Variants in CENPQ observed in about 807,000 individuals in gnomAD.
CENPQ encodes the protein centromere protein Q, also known as chromosome 6 open reading frame 139.
CENPQ carries 27 observed loss-of-function variants against 36.6 expected under a neutral mutation model. The observed-to-expected ratio is 0.74, with a 90% confidence interval of 0.54 to 1.02. CENPQ has a LOEUF of 1.02. Among genes scored for constraint, CENPQ ranks in the 50% least tolerant of loss-of-function variants. The pLI is 0.00. For missense variants in CENPQ, 306 were observed against 301.8 expected (o/e 1.01, Z -0.10); for synonymous variants, 101 against 101.7 (o/e 0.99, Z 0.04).
In CENPQ at chr6:49,492,297, G is replaced by A. The variant is rs1220188875; in HGVS notation, c.*22G>A. The stretch of plus-strand genomic sequence containing the variant: ...TTAAAGAGTGTTTTTTTTTTAGATT[G>A]TTCCATATTAATTTAATGTTCGTGA... On this transcript the variant is annotated 3_prime_UTR_variant, in exon 9 of 9. Coordinates refer to ENST00000335783, the MANE Select transcript of CENPQ (RefSeq NM_018132.4). 11 of 1,548,002 alleles carry A rather than the reference G, an allele frequency of 7.1e-6. No homozygotes were observed. Among genetic ancestry groups the A allele is most frequent in the Non-Finnish European group, 9.6e-6 (11 of 1,148,826 alleles).
intron 2 of CENPQ, 148 bp downstream of exon 2, chr6:49,470,426 A>C: frequency 4.5e-6 from 2 of 447,982 alleles, no homozygotes; most frequent in Non-Finnish European, 4.0e-6. Flanking sequence ...ACATGATGAA[A>C]CCCCGTCTCT....
In CENPQ at chr6:49,470,956, A is replaced by G. The variant is rs764382499; in HGVS notation, c.103-18A>G. Reference sequence around the variant, plus strand: ...TGTTTAATTCTGTTTATGTTTATGCATGTGTTTTTCCCTCTAGGTTAGAAA... The same window carrying G: ...TGTTTAATTCTGTTTATGTTTATGCGTGTGTTTTTCCCTCTAGGTTAGAAA... On this transcript the variant is annotated intron_variant, in intron 2 of 8. Transcript: ENST00000335783. 2.8e-6 allele frequency: 4 copies of G among 1,425,982 alleles called. No homozygotes were observed. Among genetic ancestry groups the G allele is most frequent in the African/African-American group, 1.4e-5 (1 of 69,792 alleles). 88.3% of individuals were successfully genotyped at this position (1,425,982 alleles called of 1,614,324 possible).
At position 49,487,365 on chromosome 6, in the gene CENPQ, A is replaced by G. The variant is rs557521530; in HGVS notation, c.478-987A>G. Among the ~76,000 whole-genome samples the G allele has an allele frequency of 1.3e-4, 19 of 151,116 alleles. No homozygotes were observed. The South Asian group carries it at 2.1e-3, about 17-fold the overall frequency. ...TTTTGTTTTGTTGAGGTTTTGACCA[A>G]TCTTTTAAAATGTACAAACAATTCA... On this transcript the variant is annotated intron_variant, in intron 6 of 8. Coordinates refer to ENST00000335783, the MANE Select transcript of CENPQ (RefSeq NM_018132.4).
intron 5 of CENPQ, among the ~76,000 whole-genome samples, chr6:49,477,118 CAT>C (rs1268823830): frequency 1.3e-5 from 2 of 152,172 alleles, no homozygotes; most frequent in South Asian, 2.1e-4. Flanking sequence ...GACACATGAA[CAT>C]GTGTGTTTAC....
At chr6:49,481,566 A>G (rs1768429910) in intron 6 of CENPQ, among the ~76,000 whole-genome samples, 1 of 152,208 alleles carries the variant, frequency 6.6e-6, no homozygotes, top group African/African-American at 2.4e-5. Context: ...ACAGCATGGA[A>G]GGGGACCCGA....
chr6:49,479,370 A>G (rs552242394), intron 5 of CENPQ, among the ~76,000 whole-genome samples: 4 of 152,274 alleles, frequency 2.6e-5, no homozygotes, highest in African/African-American at 4.8e-5. Flanking sequence ...GCCAACAAAC[A>G]TGAAAAAAAT....
chr6:49,490,815 C>T (rs954003751), intron 8 of CENPQ, among the ~76,000 whole-genome samples: 5 of 152,080 alleles, frequency 3.3e-5, no homozygotes, highest in African/African-American at 1.2e-4. Context: ...AATAAATGGC[C>T]GGTTGGTGGA....
At chr6:49,478,591 AAG>A (rs1365459527) in intron 5 of CENPQ, among the ~76,000 whole-genome samples, 2 of 152,164 alleles carry the variant, frequency 1.3e-5, no homozygotes, top group East Asian at 3.8e-4. Context: ...CTGGCGAAGA[AAG>A]AGGAAAAAGA....
At chr6:49,485,899 T>C (rs1268912165) in intron 6 of CENPQ, among the ~76,000 whole-genome samples, 1 of 152,112 alleles carries the variant, frequency 6.6e-6, no homozygotes, top group African/African-American at 2.4e-5. Flanking sequence ...AATGAGAAAT[T>C]TTAATCCTTG....
chr6:49,489,090 C>G (rs1768660343), intron 8 of CENPQ, among the ~76,000 whole-genome samples: 1 of 152,120 alleles, frequency 6.6e-6, no homozygotes, highest in African/African-American at 2.4e-5. Context: ...TTTGCCACAT[C>G]AGTTGATTCT....
At chr6:49,482,508 A>T (rs1768461948) in intron 6 of CENPQ, among the ~76,000 whole-genome samples, 1 of 152,050 alleles carries the variant, frequency 6.6e-6, no homozygotes, top group Non-Finnish European at 1.5e-5. Context: ...TCCAGAGGGG[A>T]GGTCTCTAGG....
rs759911830 is a variant in CENPQ, at chr6:49,488,644, C to T, written c.635C>T (p.Pro212Leu). The T allele has an allele frequency of 1.2e-5, 19 of 1,613,444 alleles. No homozygotes were observed. The highest frequency in any genetic ancestry group is 8.0e-5 in the African/African-American group (6 of 74,848). ...AATAGTAGTGGAGTACTCTCTCTTCCGGAACTTTCTCAGAAAACTCTCAAA... is the reference window on the plus strand; with the variant it reads ...AATAGTAGTGGAGTACTCTCTCTTCTGGAACTTTCTCAGAAAACTCTCAAA... The part of the protein sequence containing the change: ...QINSSGVLSL[P>L]ELSQKTLKAP... The change falls in exon 8 of 9, where the codon CCG becomes CTG. Residue 212 changes from proline (P) to leucine (L), a missense_variant. Coordinates refer to ENST00000335783, the MANE Select transcript of CENPQ (RefSeq NM_018132.4).
At chr6:49,464,465 A>AT (rs1767948987) in intron 1 of CENPQ, among the ~76,000 whole-genome samples, 2 of 152,166 alleles carry the variant, frequency 1.3e-5, no homozygotes, top group Admixed American at 6.5e-5. Flanking sequence ...AAAATAATGA[A>AT]TTTTGTACAG....
chr6:49,479,146 C>G (rs957991101), intron 5 of CENPQ, among the ~76,000 whole-genome samples: 5 of 152,120 alleles, frequency 3.3e-5, no homozygotes, highest in African/African-American at 4.8e-5. Flanking sequence ...TTTGTCTTAA[C>G]AGTTTAATGA....
At chr6:49,470,427 C>A in intron 2 of CENPQ, 149 bp downstream of exon 2, 1 of 453,808 alleles carries the variant, frequency 2.2e-6, no homozygotes, top group Non-Finnish European at 3.9e-6. Flanking sequence ...CATGATGAAA[C>A]CCCGTCTCTA....
Position 49,463,851 on chromosome 6 carries a change from G to A in CENPQ, c.-19+398G>A, listed in dbSNP as rs144179938. 4.1e-3 allele frequency among the ~76,000 whole-genome samples: 631 copies of A among 152,162 alleles called. 10 individuals are homozygous for A. Among genetic ancestry groups the A allele is most frequent in the African/African-American group, 0.015 (604 of 41,510 alleles). ...GAGTCCCATGAGTATCAACAAGCTG[G>A]TAAGAAAAACAAGACAACCTAGAAT... On this transcript the variant is annotated intron_variant, in intron 1 of 8. Coordinates refer to ENST00000335783, the MANE Select transcript of CENPQ (RefSeq NM_018132.4).
At chr6:49,474,816 T>C (rs1032625477) in intron 5 of CENPQ, among the ~76,000 whole-genome samples, 1 of 151,870 alleles carries the variant, frequency 6.6e-6, no homozygotes, top group African/African-American at 2.4e-5. Flanking sequence ...AAAAAACTGA[T>C]AAAAGGGATA....
chr6:49,472,301 G>A, intron 4 of CENPQ, 118 bp downstream of exon 4: 1 of 832,092 alleles, frequency 1.2e-6, no homozygotes, highest in Non-Finnish European at 1.7e-6. Flanking sequence ...TTCTATTTCG[G>A]AAGCAGATAA....
chr6:49,487,613 G>A (rs557289388), intron 6 of CENPQ, among the ~76,000 whole-genome samples: 2 of 152,050 alleles, frequency 1.3e-5, no homozygotes, highest in Non-Finnish European at 2.9e-5. Context: ...TATATTTTCT[G>A]TGTGGCTTAT....
Sources: allele counts gnomAD v4.1 joint callset (sites outside exome capture counted in the v4.1 genomes callset), GRCh38; gene constraint gnomAD v4.1.1; transcripts MANE v1.5; gene names NCBI Gene and HGNC (gene_info 2026-07-23, HGNC 2026-07-21).